Variants in SYN2 observed in about 807,000 individuals in gnomAD.
The protein encoded by SYN2 is synapsin II.
Under a neutral mutation model 50.9 loss-of-function variants are expected in SYN2, and 19 were observed. The observed-to-expected ratio is 0.37, with a 90% confidence interval of 0.26 to 0.55. The LOEUF is 0.55. Ranked by LOEUF, SYN2 falls within the 20% of genes least tolerant of loss-of-function variation. The pLI is 0.81. For synonymous variants in SYN2, 255 were observed against 224.9 expected, an observed-to-expected ratio of 1.13 and a Z score of -1.20; for missense variants, 587 against 576.4, an observed-to-expected ratio of 1.02 and a Z score of -0.19.
At chr3:12,073,056 C>T (rs1247615134) in intron 1 of SYN2, among the ~76,000 whole-genome samples, 1 of 152,168 alleles carries the variant, frequency 6.6e-6, no homozygotes, top group South Asian at 2.1e-4. Flanking sequence ...AAAGCTCTCT[C>T]TTACTCTTCA....
chr3:12,125,757 T>A (rs1465992169), intron 1 of SYN2, among the ~76,000 whole-genome samples: 1 of 151,822 alleles, frequency 6.6e-6, no homozygotes, highest in Non-Finnish European at 1.5e-5. Flanking sequence ...GCAGACCAGT[T>A]TTATGTGGAC....
chr3:12,005,615 G>T (rs1245465535), intron 1 of SYN2, among the ~76,000 whole-genome samples: 3 of 149,312 alleles, frequency 2.0e-5, no homozygotes, highest in Non-Finnish European at 4.4e-5. Context: ...TTTCTGAAAT[G>T]TGCGTGGTGG....
intron 1 of SYN2, among the ~76,000 whole-genome samples, chr3:12,110,695 A>G (rs981772082): frequency 1.3e-5 from 2 of 151,862 alleles, no homozygotes; most frequent in African/African-American, 2.4e-5. Flanking sequence ...CCATGAAACT[A>G]TTTTTTCCTC....
chr3:12,070,241 C>T (rs1189382084), intron 1 of SYN2: 1 of 438,068 alleles, frequency 2.3e-6, no homozygotes, highest in African/African-American at 2.0e-5. Flanking sequence ...GAAGAGATTG[C>T]CATGCTGGTC....
intron 1 of SYN2, among the ~76,000 whole-genome samples, chr3:12,125,382 G>C (rs1392518340): frequency 6.6e-6 from 1 of 152,184 alleles, no homozygotes; most frequent in East Asian, 1.9e-4. Flanking sequence ...TGCTGGGTCT[G>C]ATTAAAATTT....
At chr3:12,131,537 C>G (rs1270888362) in intron 1 of SYN2, among the ~76,000 whole-genome samples, 1 of 152,160 alleles carries the variant, frequency 6.6e-6, no homozygotes, top group Non-Finnish European at 1.5e-5. Context: ...ATAAGTCAGT[C>G]ATGGAAAGAA....
intron 5 of SYN2, among the ~76,000 whole-genome samples, chr3:12,156,261 C>T (rs1420321069): frequency 3.3e-5 from 5 of 152,210 alleles, no homozygotes; most frequent in Non-Finnish European, 7.3e-5. Context: ...CCTGATAGTT[C>T]ACAACTACCA....
At chr3:12,145,877 A>T (rs1330518508) in intron 4 of SYN2, 42 bp downstream of exon 4, 3 of 1,608,868 alleles carry the variant, frequency 1.9e-6, no homozygotes, top group Non-Finnish European at 2.5e-6. Context: ...GGTAGGATTC[A>T]GGCCCTACAT....
intron 1 of SYN2, among the ~76,000 whole-genome samples, chr3:12,065,599 A>G (rs994058990): frequency 3.3e-5 from 5 of 152,186 alleles, no homozygotes; most frequent in Non-Finnish European, 7.4e-5. Context: ...AATAACAGGA[A>G]CAGAAAACCA....
chr3:12,161,237 T>C (rs1394432571), intron 5 of SYN2, among the ~76,000 whole-genome samples: 1 of 152,218 alleles, frequency 6.6e-6, no homozygotes, highest in Non-Finnish European at 1.5e-5. Flanking sequence ...CTTTTTTTAA[T>C]TCTCTTTGTC....
intron 5 of SYN2, among the ~76,000 whole-genome samples, chr3:12,152,677 A>G (rs1360212131): frequency 6.6e-6 from 1 of 152,212 alleles, no homozygotes; most frequent in Admixed American, 6.5e-5. Context: ...TAAAAAGCCA[A>G]CAAAGGGGGA....
intron 5 of SYN2, chr3:12,156,727 C>G (rs556827201): frequency 1.0e-6 from 1 of 974,978 alleles, no homozygotes; most frequent in East Asian, 2.4e-5. Context: ...CTGGCTCAGC[C>G]TACTGCCCAA....
chr3:12,069,198 C>T lies in SYN2; in HGVS notation c.377+64270C>T, dbSNP rs142411075. On this transcript the variant is annotated intron_variant, in intron 1 of 12. Coordinates refer to ENST00000621198, the MANE Select transcript of SYN2 (RefSeq NM_133625.6). The stretch of plus-strand genomic sequence containing the variant: ...ATTTGGGTTGTTTCCACTTTTTGGC[C>T]GTATGAATAACGCTGCCATGAACAT... 1.6e-3 allele frequency among the ~76,000 whole-genome samples: 246 copies of T among 150,550 alleles called. 2 individuals carry two copies. The highest frequency in any genetic ancestry group is 0.011 in the Middle Eastern group (3 of 284).
chr3:12,094,471 C>T (rs934849432), intron 1 of SYN2, among the ~76,000 whole-genome samples: 2 of 152,134 alleles, frequency 1.3e-5, no homozygotes, highest in South Asian at 2.1e-4. Context: ...GAGACTTGGC[C>T]TCAGAAAGGC....
intron 1 of SYN2, among the ~76,000 whole-genome samples, chr3:12,021,534 A>G (rs1426193336): frequency 6.6e-6 from 1 of 152,226 alleles, no homozygotes; most frequent in African/African-American, 2.4e-5. Context: ...GGACCACTTG[A>G]GCCCTGTGAC....
chr3:12,133,734 G>A (rs1016630099), intron 1 of SYN2, among the ~76,000 whole-genome samples: 4 of 152,266 alleles, frequency 2.6e-5, no homozygotes, highest in Admixed American at 2.0e-4. Flanking sequence ...TCAGATCTTA[G>A]GCATATCTGA....
intron 9 of SYN2, among the ~76,000 whole-genome samples, chr3:12,169,352 C>A (rs2125243412): frequency 6.6e-6 from 1 of 152,282 alleles, no homozygotes; most frequent in East Asian, 1.9e-4. Flanking sequence ...GACAGAGATT[C>A]TGTGGGTGAA....
intron 1 of SYN2, among the ~76,000 whole-genome samples, chr3:12,116,351 T>C (rs1696433022): frequency 6.6e-6 from 1 of 152,100 alleles, no homozygotes; most frequent in African/African-American, 2.4e-5. Flanking sequence ...AATAGGGACT[T>C]AGCTGGAAGA....
chr3:12,151,067 T>G (rs1001497005), intron 4 of SYN2, among the ~76,000 whole-genome samples, 170 bp from the exon 5 acceptor site: 1 of 152,244 alleles, frequency 6.6e-6, no homozygotes. Flanking sequence ...CCCCAACTAA[T>G]GCGTATCATA....
Sources: allele counts gnomAD v4.1 joint callset (sites outside exome capture counted in the v4.1 genomes callset), GRCh38; gene constraint gnomAD v4.1.1; transcripts MANE v1.5; gene names NCBI Gene and HGNC (gene_info 2026-07-23, HGNC 2026-07-21).